LY6S: variants seen among roughly 807,000 people sequenced by gnomAD.
LY6S encodes lymphocyte antigen 6 family member S.
At chr8:143,070,378 A>AAT in the LY6S span, among the ~76,000 whole-genome samples, 92 of 119,652 alleles carry the variant, frequency 7.7e-4, no homozygotes, top group African/African-American at 2.6e-3. Context: ...TATATATATA[A>AAT]ATATATATAT....
At chr8:143,046,781 C>T in the LY6S span, among the ~76,000 whole-genome samples, 62,264 of 151,544 alleles carry the variant, frequency 0.41, 16,229 homozygotes, top group Non-Finnish European at 0.58. Context: ...AGGTGAATCA[C>T]CTGAGGTCAG....
At chr8:143,042,039 GC>G in the LY6S span, among the ~76,000 whole-genome samples, 1 of 22,490 alleles carries the variant, frequency 4.4e-5, no homozygotes, top group Admixed American at 4.6e-4. Flanking sequence ...GGCGTTCTCA[GC>G]CCAGCCCTGA....
At chr8:143,050,943 C>A in the LY6S span, among the ~76,000 whole-genome samples, 4 of 152,352 alleles carry the variant, frequency 2.6e-5, no homozygotes, top group South Asian at 8.3e-4. Flanking sequence ...AGGCGCTTCA[C>A]GGGTGTGCGG....
the LY6S span, among the ~76,000 whole-genome samples, chr8:143,058,046 G>A: frequency 4.5e-4 from 69 of 152,288 alleles, no homozygotes; most frequent in East Asian, 8.9e-3. Flanking sequence ...GTTCATTAAC[G>A]TCAGTGCAAT....
the LY6S span, chr8:143,044,303 G>A: frequency 2.2e-6 from 1 of 450,584 alleles, no homozygotes; most frequent in East Asian, 7.0e-5. Context: ...AGCTACAGCA[G>A]CTGGCGTTGG....
chr8:143,058,382 G>A, the LY6S span, among the ~76,000 whole-genome samples: 2 of 152,186 alleles, frequency 1.3e-5, no homozygotes, highest in Non-Finnish European at 2.9e-5. Context: ...AGGTCACGTG[G>A]GTTGCGTGTC....
At chr8:143,043,356 G>A in the LY6S span, 1 of 857,576 alleles carries the variant, frequency 1.2e-6, no homozygotes, top group South Asian at 1.6e-5. Context: ...AGAGCGGGGT[G>A]GGGGATGAGC....
At chr8:143,060,469 A>T in the LY6S span, among the ~76,000 whole-genome samples, 1 of 152,178 alleles carries the variant, frequency 6.6e-6, no homozygotes, top group Admixed American at 6.5e-5. Flanking sequence ...TCTCTCCAGA[A>T]CTACATAGAA....
At chr8:143,042,631 T>G in the LY6S span, 1 of 217,410 alleles carries the variant, frequency 4.6e-6, no homozygotes, top group Admixed American at 5.2e-5. Flanking sequence ...AAAGGGCTGT[T>G]TGTTGACCTT....
chr8:143,054,661 C>T, the LY6S span, among the ~76,000 whole-genome samples: 9 of 152,334 alleles, frequency 5.9e-5, no homozygotes, highest in South Asian at 4.1e-4. Context: ...TCTAACTCCA[C>T]GCTTACAGCT....
the LY6S span, among the ~76,000 whole-genome samples, chr8:143,041,522 A>T: frequency 6.6e-6 from 1 of 152,194 alleles, no homozygotes; most frequent in Non-Finnish European, 1.5e-5. Flanking sequence ...CAATTTGTGC[A>T]GTTAACACAA....
chr8:143,073,236 C>T, the LY6S span, among the ~76,000 whole-genome samples: 1 of 150,600 alleles, frequency 6.6e-6, no homozygotes, highest in Admixed American at 6.6e-5. Context: ...TCTTGGGGTC[C>T]CTGTTTGAGG....
the LY6S span, among the ~76,000 whole-genome samples, chr8:143,076,387 G>A: frequency 6.9e-4 from 105 of 152,294 alleles, no homozygotes; most frequent in African/African-American, 2.4e-3. Flanking sequence ...GAGGGGTCTC[G>A]CTGGGGACGC....
the LY6S span, chr8:143,044,729 A>T: frequency 7.3e-7 from 1 of 1,367,596 alleles, no homozygotes; most frequent in Non-Finnish European, 9.8e-7. Context: ...CCATCCAGGA[A>T]GGGGCACGAG....
chr8:143,054,303 C>CAAAAAAAAAAAAAAAAAA, the LY6S span: 2 of 64,760 alleles, frequency 3.1e-5, no homozygotes, highest in East Asian at 6.1e-4. Flanking sequence ...CACTCCATCC[C>CAAAAAAAAAAAAAAAAAA]AAAAAAAAAA....
the LY6S span, among the ~76,000 whole-genome samples, chr8:143,041,576 G>A: frequency 0.097 from 14,766 of 152,214 alleles, 971 homozygotes; most frequent in Middle Eastern, 0.2. Flanking sequence ...CTCAGCTTAC[G>A]AAGATGATGG....
the LY6S span, among the ~76,000 whole-genome samples, chr8:143,064,596 A>T: frequency 6.6e-6 from 1 of 152,240 alleles, no homozygotes; most frequent in Non-Finnish European, 1.5e-5. Flanking sequence ...CAATCCAATG[A>T]TACTGAACTT....
the LY6S span, among the ~76,000 whole-genome samples, chr8:143,060,523 T>C: frequency 6.6e-6 from 1 of 152,222 alleles, no homozygotes; most frequent in South Asian, 2.1e-4. Flanking sequence ...CCGCCTCGGC[T>C]ACCAAATAGG....
At chr8:143,052,125 C>CA in the LY6S span, among the ~76,000 whole-genome samples, 2 of 149,288 alleles carry the variant, frequency 1.3e-5, no homozygotes, top group Non-Finnish European at 3.0e-5. Flanking sequence ...ACTAAAAATA[C>CA]AAAAAATTAG....
Sources: gnomAD v4.1 joint callset for allele counts (sites outside exome capture counted in the v4.1 genomes callset) on GRCh38, gnomAD v4.1.1 for gene constraint, MANE v1.5 for transcripts, NCBI Gene and HGNC (gene_info 2026-07-23, HGNC 2026-07-21) for gene names.